Variants in DIS3L2 observed in about 807,000 individuals in gnomAD.
DIS3L2 encodes the protein DIS3-like exonuclease 2.
In DIS3L2, 34 loss-of-function variants were observed where a neutral mutation model predicts 97.5. The observed-to-expected ratio is 0.35, with a 90% CI of 0.27 to 0.46. DIS3L2 has a LOEUF of 0.46. Among genes scored for constraint, DIS3L2 ranks in the 20% least tolerant of loss-of-function variants. The pLI, the probability that DIS3L2 is intolerant of heterozygous loss-of-function variation, is 1.00. For synonymous variants in DIS3L2, 435 were observed against 445.2 expected (o/e 0.98, Z 0.29); for missense variants, 1,038 against 1,146.0 (o/e 0.91, Z 1.36).
chr2:232,316,709 C>G (rs1445720522), intron 14 of DIS3L2, among the ~76,000 whole-genome samples: 1 of 152,216 alleles, frequency 6.6e-6, no homozygotes, highest in Non-Finnish European at 1.5e-5. Context: ...CTTCATGTTT[C>G]AAAGACATAA....
chr2:232,084,228 T>TG, intron 5 of DIS3L2, among the ~76,000 whole-genome samples: 1 of 152,156 alleles, frequency 6.6e-6, no homozygotes, highest in South Asian at 2.1e-4. Context: ...GAAGTGCAGA[T>TG]GGGGGAGCTG....
intron 14 of DIS3L2, among the ~76,000 whole-genome samples, chr2:232,308,281 C>T (rs892374643): frequency 6.6e-6 from 1 of 152,222 alleles, no homozygotes; most frequent in Non-Finnish European, 1.5e-5. Context: ...GTGCCTGCTC[C>T]TCTGCCCTGC....
intron 8 of DIS3L2, among the ~76,000 whole-genome samples, chr2:232,153,806 G>C (rs1405360509): frequency 6.7e-6 from 1 of 148,774 alleles, no homozygotes; most frequent in Non-Finnish European, 1.5e-5. Context: ...TTTCCAACTT[G>C]GTTCCATTCT....
intron 1 of DIS3L2, among the ~76,000 whole-genome samples, chr2:232,012,324 C>T (rs1694224005): frequency 6.6e-6 from 1 of 152,162 alleles, no homozygotes; most frequent in Admixed American, 6.5e-5. Flanking sequence ...TTAGGTGTTA[C>T]TCACACAAAC....
intron 11 of DIS3L2, among the ~76,000 whole-genome samples, chr2:232,244,195 G>T (rs531555740): frequency 6.6e-6 from 1 of 152,156 alleles, no homozygotes; most frequent in African/African-American, 2.4e-5. Context: ...ATTTGAGAGC[G>T]TTAGAATGTC....
At chr2:232,169,866 G>A (rs1415737606) in intron 9 of DIS3L2, among the ~76,000 whole-genome samples, 1 of 152,204 alleles carries the variant, frequency 6.6e-6, no homozygotes, top group Non-Finnish European at 1.5e-5. Context: ...TTGGTCCAAT[G>A]GAATTGGGGT....
chr2:231,966,944 A>C (rs1007788346), intron 1 of DIS3L2, among the ~76,000 whole-genome samples: 1 of 152,154 alleles, frequency 6.6e-6, no homozygotes, highest in African/African-American at 2.4e-5. Context: ...TTGATGCCTT[A>C]GAGTAGTTAT....
chr2:232,301,538 G>A (rs980457631), intron 14 of DIS3L2, among the ~76,000 whole-genome samples: 1 of 152,124 alleles, frequency 6.6e-6, no homozygotes, highest in African/African-American at 2.4e-5. Context: ...GGGTGCCCTC[G>A]TTACCACATC....
At chr2:232,342,842 G>GA (rs934583913) in intron 13 of DIS3L2, among the ~76,000 whole-genome samples, 1 of 152,234 alleles carries the variant, frequency 6.6e-6, no homozygotes, top group Non-Finnish European at 1.5e-5. Context: ...GCAGCTCCGT[G>GA]AGCCAGGAGC....
chr2:232,258,441 G>A (rs1211716112), intron 12 of DIS3L2, among the ~76,000 whole-genome samples: 1 of 151,926 alleles, frequency 6.6e-6, no homozygotes, highest in African/African-American at 2.4e-5. Context: ...AAAATGAGCC[G>A]GGCATGGTGG....
exon 14 of DIS3L2, chr2:232,343,659 C>T (rs1229095100): frequency 3.5e-6 from 5 of 1,410,600 alleles, no homozygotes; most frequent in Non-Finnish European, 4.8e-6. Context: ...GGCCAGACTT[C>T]TAAAAGGTCC....
At chr2:232,229,738 G>A (rs1329379156) in intron 10 of DIS3L2, among the ~76,000 whole-genome samples, 2 of 152,238 alleles carry the variant, frequency 1.3e-5, no homozygotes, top group Non-Finnish European at 2.9e-5. Context: ...CAGTTTAGTT[G>A]AGTACTTGCA....
intron 9 of DIS3L2, among the ~76,000 whole-genome samples, chr2:232,166,335 C>CAT (rs1201115698): frequency 6.6e-6 from 1 of 151,990 alleles, no homozygotes; most frequent in African/African-American, 2.4e-5. Context: ...ACCACACACA[C>CAT]ACACGCGTGC....
At chr2:232,108,101 A>G (rs1462114023) in intron 6 of DIS3L2, among the ~76,000 whole-genome samples, 1 of 152,218 alleles carries the variant, frequency 6.6e-6, no homozygotes, top group East Asian at 1.9e-4. Context: ...TCAGGCCAGT[A>G]TCCTTGATGA....
At chr2:232,221,541 C>T (rs1692507397) in intron 10 of DIS3L2, among the ~76,000 whole-genome samples, 1 of 152,282 alleles carries the variant, frequency 6.6e-6, no homozygotes, top group Admixed American at 6.5e-5. Context: ...CAGTGGCTCA[C>T]ACCTGTAATT....
At chr2:232,113,257 C>G (rs1018468844) in intron 6 of DIS3L2, among the ~76,000 whole-genome samples, 26 of 152,154 alleles carry the variant, frequency 1.7e-4, no homozygotes, top group African/African-American at 5.6e-4. Flanking sequence ...GGACTATGTC[C>G]TAAATTCTTT....
chr2:232,132,246 G>T (rs1248043412), intron 7 of DIS3L2, among the ~76,000 whole-genome samples: 1 of 152,096 alleles, frequency 6.6e-6, no homozygotes, highest in Admixed American at 6.6e-5. Context: ...ACTTGCCTGC[G>T]AAACTTATGC....
chr2:231,999,279 T>C (rs2106200636), intron 1 of DIS3L2, among the ~76,000 whole-genome samples: 1 of 152,282 alleles, frequency 6.6e-6, no homozygotes. Flanking sequence ...CATTTTTCCA[T>C]TGGTTGCTTT....
At chr2:232,299,945 T>C (rs1360821657) in intron 13 of DIS3L2, 95 bp from the exon 14 acceptor site, 18 of 1,251,404 alleles carry the variant, frequency 1.4e-5, no homozygotes, top group Admixed American at 3.9e-5. Flanking sequence ...CTTGAGGGAG[T>C]GTGACTTCGT....
Sources: gnomAD v4.1 joint callset for allele counts (sites outside exome capture counted in the v4.1 genomes callset) on GRCh38, gnomAD v4.1.1 for gene constraint, MANE v1.5 for transcripts, NCBI Gene and HGNC (gene_info 2026-07-23, HGNC 2026-07-21) for gene names.